Variants in SOS1 observed in about 807,000 individuals in gnomAD.
SOS1 encodes SOS Ras/Rac guanine nucleotide exchange factor 1, also known as son of sevenless homolog 1.
Under a neutral mutation model 157.6 loss-of-function variants are expected in SOS1, and 25 were observed. That is an observed-to-expected ratio of 0.16 (90% CI 0.12 to 0.22). The LOEUF is 0.22. Ranked by LOEUF, SOS1 falls within the 10% of genes least tolerant of loss-of-function variation. The pLI is 1.00. For missense variants in SOS1, 1,237 were observed against 1,599.1 expected (o/e 0.77, Z 3.86); for synonymous variants, 528 against 534.0 (o/e 0.99, Z 0.16).
upstream of SOS1, among the ~76,000 whole-genome samples, chr2:39,122,445 T>TACACACACAC (rs1353516539): frequency 8.7e-4 from 25 of 28,796 alleles, no homozygotes; most frequent in African/African-American, 3.2e-3. Flanking sequence ...CAAAAAAAAA[T>TACACACACAC]ATACACACAC....
At chr2:39,019,384 T>G (rs1572827280) in intron 10 of SOS1, among the ~76,000 whole-genome samples, 1 of 151,722 alleles carries the variant, frequency 6.6e-6, no homozygotes, top group East Asian at 1.9e-4. Context: ...GACGTGAAAT[T>G]CCTACTCTCA....
chr2:39,021,525 GA>G (rs70954777), intron 10 of SOS1, among the ~76,000 whole-genome samples: 78,450 of 104,572 alleles, frequency 0.75, 28,759 homozygotes, highest in Admixed American at 0.81. Flanking sequence ...TGCTCTACAG[GA>G]AAAAAAAAAA....
chr2:39,036,119 G>C (rs1243269640), intron 6 of SOS1, among the ~76,000 whole-genome samples: 1 of 152,182 alleles, frequency 6.6e-6, no homozygotes, highest in East Asian at 1.9e-4. Flanking sequence ...GGGAAAAAGA[G>C]AGTAGGTATC....
intron 1 of SOS1, among the ~76,000 whole-genome samples, chr2:39,115,221 C>T (rs957777052): frequency 2.0e-5 from 3 of 152,026 alleles, no homozygotes; most frequent in Non-Finnish European, 4.4e-5. Flanking sequence ...TCAGCACAAT[C>T]AAGATAAGTA....
intron 1 of SOS1, among the ~76,000 whole-genome samples, chr2:39,107,755 A>T (rs1199412628): frequency 6.6e-6 from 1 of 152,220 alleles, no homozygotes; most frequent in Admixed American, 6.5e-5. Flanking sequence ...AATATACTAA[A>T]CATGACTATT....
intron 1 of SOS1, among the ~76,000 whole-genome samples, chr2:39,112,822 T>A (rs1673488966): frequency 6.6e-6 from 1 of 152,182 alleles, no homozygotes; most frequent in African/African-American, 2.4e-5. Flanking sequence ...GCAGACTGCC[T>A]GAGCTCAGGA....
intron 22 of SOS1, 81 bp downstream of exon 22, chr2:38,987,392 G>T: frequency 1.3e-6 from 1 of 751,912 alleles, no homozygotes; most frequent in Non-Finnish European, 2.4e-6. Flanking sequence ...ACTTATCCTA[G>T]TGAGAACTAA....
intron 13 of SOS1, 80 bp downstream of exon 13, chr2:39,013,380 C>T: frequency 1.2e-6 from 1 of 868,204 alleles, no homozygotes; most frequent in Admixed American, 1.7e-5. Flanking sequence ...CATTACTGAG[C>T]CCCAATGACA....
chr2:39,113,152 T>C (rs1394693931), intron 1 of SOS1, among the ~76,000 whole-genome samples: 1 of 152,102 alleles, frequency 6.6e-6, no homozygotes, highest in African/African-American at 2.4e-5. Context: ...TAAGAAAAGA[T>C]GTCATCACCC....
intron 6 of SOS1, among the ~76,000 whole-genome samples, chr2:39,047,106 T>C (rs1311999474): frequency 6.6e-6 from 1 of 152,206 alleles, no homozygotes; most frequent in East Asian, 1.9e-4. Flanking sequence ...TCAGAAATCT[T>C]CATGTTTCCC....
intron 17 of SOS1, among the ~76,000 whole-genome samples, chr2:38,999,914 G>C (rs1669032898): frequency 6.6e-6 from 1 of 152,180 alleles, no homozygotes; most frequent in Admixed American, 6.5e-5. Flanking sequence ...GATTACTCTA[G>C]GTGTACTATG....
At chr2:39,020,789 G>A (rs1353974603) in intron 10 of SOS1, among the ~76,000 whole-genome samples, 1 of 151,656 alleles carries the variant, frequency 6.6e-6, no homozygotes. Flanking sequence ...TGTGTGTACT[G>A]TAAACCACAA....
chr2:39,052,898 A>G (rs1371756879), intron 5 of SOS1, among the ~76,000 whole-genome samples: 1 of 152,220 alleles, frequency 6.6e-6, no homozygotes, highest in Non-Finnish European at 1.5e-5. Context: ...CACGCCTGTA[A>G]TTCCAGCATT....
intron 21 of SOS1, among the ~76,000 whole-genome samples, chr2:38,988,121 C>G (rs959315891): frequency 1.3e-5 from 2 of 152,076 alleles, no homozygotes; most frequent in Non-Finnish European, 2.9e-5. Flanking sequence ...AGGTGAGGGG[C>G]CTCTCCTCAT....
intron 6 of SOS1, among the ~76,000 whole-genome samples, chr2:39,036,711 T>C (rs191032467): frequency 6.6e-6 from 1 of 152,070 alleles, no homozygotes; most frequent in Non-Finnish European, 1.5e-5. Context: ...GTAGCTGGGA[T>C]TACAGGCATC....
At chr2:39,002,440 G>A (rs552432987) in intron 17 of SOS1, among the ~76,000 whole-genome samples, 1 of 152,330 alleles carries the variant, frequency 6.6e-6, no homozygotes, top group African/African-American at 2.4e-5. Flanking sequence ...TACAGGAGCA[G>A]GGGCCAAATA....
intron 6 of SOS1, among the ~76,000 whole-genome samples, chr2:39,038,836 A>C (rs1386657198): frequency 6.6e-6 from 1 of 151,976 alleles, no homozygotes; most frequent in East Asian, 1.9e-4. Flanking sequence ...ACATCAACTT[A>C]GTTGATAAAA....
intron 10 of SOS1, among the ~76,000 whole-genome samples, chr2:39,021,200 T>G (rs982251782): frequency 2.5e-4 from 38 of 151,704 alleles, no homozygotes; most frequent in African/African-American, 8.9e-4. Context: ...TACCTAACAT[T>G]GTACACATTA....
chr2:39,037,366 TAA>T (rs1449381474), intron 6 of SOS1, among the ~76,000 whole-genome samples: 5 of 152,360 alleles, frequency 3.3e-5, no homozygotes, highest in East Asian at 1.9e-4. Context: ...CATTCATCTA[TAA>T]GTTGCCTTTT....
Sources: allele counts gnomAD v4.1 joint callset (sites outside exome capture counted in the v4.1 genomes callset), GRCh38; gene constraint gnomAD v4.1.1; transcripts MANE v1.5; gene names NCBI Gene and HGNC (gene_info 2026-07-23, HGNC 2026-07-21).